SAV1: variants seen among roughly 807,000 people sequenced by gnomAD.
SAV1 encodes the protein salvador family WW domain containing protein 1.
In SAV1, 23 loss-of-function variants were observed where a neutral mutation model predicts 47.3. The ratio of observed to expected loss-of-function variants is 0.49; its 90% CI spans 0.35 to 0.69. SAV1 has a LOEUF of 0.69. Among genes scored for constraint, SAV1 ranks in the 30% least tolerant of loss-of-function variants. SAV1 has a pLI of 0.01. For synonymous variants in SAV1, 155 were observed against 159.2 expected (o/e 0.97, Z 0.20); for missense variants, 448 against 457.4 (o/e 0.98, Z 0.19).
At chr14:50,636,223 G>A (rs892400536) in intron 4 of SAV1, among the ~76,000 whole-genome samples, 3 of 152,152 alleles carry the variant, frequency 2.0e-5, no homozygotes, top group Non-Finnish European at 4.4e-5. Flanking sequence ...AGGAACTTAA[G>A]AATACTTTAG....
chr14:50,643,222 G>T (rs759973008), intron 3 of SAV1, among the ~76,000 whole-genome samples: 1 of 152,116 alleles, frequency 6.6e-6, no homozygotes, highest in East Asian at 1.9e-4. Flanking sequence ...TTAAAATTCT[G>T]TAATAACATA....
At chr14:50,657,652 G>A (rs1472791384) in intron 2 of SAV1, among the ~76,000 whole-genome samples, 1 of 152,194 alleles carries the variant, frequency 6.6e-6, no homozygotes, top group Admixed American at 6.5e-5. Flanking sequence ...CAGTTTTTGA[G>A]TGACAAGAAC....
chr14:50,657,544 T>C (rs2039823387), intron 2 of SAV1, among the ~76,000 whole-genome samples: 1 of 152,184 alleles, frequency 6.6e-6, no homozygotes. Context: ...AAAAGATCAA[T>C]TGTTATTTAT....
chr14:50,651,344 G>A (rs2039768094), intron 2 of SAV1, among the ~76,000 whole-genome samples: 2 of 152,118 alleles, frequency 1.3e-5, no homozygotes, highest in African/African-American at 2.4e-5. Flanking sequence ...AATGAAATAT[G>A]TAACAAAAAT....
intron 2 of SAV1, among the ~76,000 whole-genome samples, chr14:50,646,685 CA>C (rs78772724): frequency 0.022 from 1,665 of 76,260 alleles, 14 homozygotes; most frequent in African/African-American, 0.062. Flanking sequence ...AACTCTGTCT[CA>C]AAAAAAAAAA....
At chr14:50,636,475 G>A (rs2039635427) in intron 4 of SAV1, among the ~76,000 whole-genome samples, 1 of 152,140 alleles carries the variant, frequency 6.6e-6, no homozygotes, top group South Asian at 2.1e-4. Context: ...ATGAGAGAAT[G>A]AGTAGACTAT....
chr14:50,639,327 A>T (rs1016674089), intron 4 of SAV1, among the ~76,000 whole-genome samples: 3 of 149,958 alleles, frequency 2.0e-5, no homozygotes, highest in African/African-American at 7.4e-5. Flanking sequence ...AAACATGCAA[A>T]TTTTTTTTGC....
chr14:50,639,371 T>A (rs924569252), intron 4 of SAV1, among the ~76,000 whole-genome samples: 1 of 9,612 alleles, frequency 1.0e-4, no homozygotes, highest in Non-Finnish European at 1.7e-4. Context: ...TAATTGATTC[T>A]CATTATCTAA....
Position 50,644,753 on chromosome 14 carries a change from C to A in SAV1, c.797G>T (p.Cys266Phe). The change falls in exon 3 of 5, where the codon TGT becomes TTT. Residue 266 changes from cysteine (C) to phenylalanine (F), a missense_variant. By Grantham distance (205) the Cys-to-Phe change is radical. Coordinates refer to ENST00000324679, the MANE Select transcript of SAV1 (RefSeq NM_021818.4). ...TNKKAQYRHP[C>F]APSVPRYDQP... ...AAAGTTGATACTGTACCTAGGAGCA[C>A]AGGGATGCCTGTATTGGGCCTTCTT... 6.2e-7 allele frequency: 1 copy of A among 1,613,682 alleles called. No individual in the cohort carries two copies. The highest frequency in any genetic ancestry group is 1.1e-5 in the South Asian group (1 of 91,044).
chr14:50,661,886 C>T (rs1015935897), intron 2 of SAV1, among the ~76,000 whole-genome samples: 21 of 152,080 alleles, frequency 1.4e-4, no homozygotes, highest in African/African-American at 3.1e-4. Flanking sequence ...AGCCTTATTT[C>T]GAAGACAGGT....
At chr14:50,646,233 A>G (rs569808740) in intron 2 of SAV1, among the ~76,000 whole-genome samples, 1 of 152,322 alleles carries the variant, frequency 6.6e-6, no homozygotes, top group South Asian at 2.1e-4. Flanking sequence ...CAAAAATAAA[A>G]TTGAACAATT....
chr14:50,665,309 A>G lies in SAV1; in HGVS notation c.405T>C (p.Tyr135=), dbSNP rs2039891676. The G allele has an allele frequency of 2.5e-6, 4 of 1,613,706 alleles. 1 individual carries two copies. The South Asian group carries it at 4.4e-5, about 18-fold the overall frequency. Reference sequence around the variant, plus strand: ...TCTGACCATCAAAAAAATTGTCTGAATAATAATATCGGGAACCAGAGTCTC... The same window carrying G: ...TCTGACCATCAAAAAAATTGTCTGAGTAATAATATCGGGAACCAGAGTCTC... ...ENGDSGSRYY[Y]SDNFFDGQRK... The change falls in exon 2 of 5, where the codon TAT becomes TAC. Residue 135 remains tyrosine (Y), a synonymous_variant. Transcript: ENST00000324679.
At chr14:50,651,561 G>C (rs1359806994) in intron 2 of SAV1, among the ~76,000 whole-genome samples, 3 of 152,124 alleles carry the variant, frequency 2.0e-5, no homozygotes, top group African/African-American at 7.2e-5. Flanking sequence ...AAATCTAAGA[G>C]TACATGAAGC....
chr14:50,647,528 C>T (rs2039732455), intron 2 of SAV1, among the ~76,000 whole-genome samples: 1 of 151,884 alleles, frequency 6.6e-6, no homozygotes, highest in African/African-American at 2.4e-5. Context: ...TGAACAGCTA[C>T]GGCACTCCGG....
chr14:50,651,215 G>A (rs889086817), intron 2 of SAV1, among the ~76,000 whole-genome samples: 1 of 152,150 alleles, frequency 6.6e-6, no homozygotes, highest in African/African-American at 2.4e-5. Context: ...ATGCCAATGA[G>A]TTTGGAAGTA....
chr14:50,665,485 G>A lies in SAV1; in HGVS notation c.229C>T (p.Pro77Ser). 1 of 1,613,958 alleles carries A rather than the reference G, an allele frequency of 6.2e-7. No individual in the cohort carries two copies. The highest frequency in any genetic ancestry group is 8.5e-7 in the Non-Finnish European group (1 of 1,179,916). ...VSRNQSFLRT[P>S]IQRTPHEIMR... ...ATTTCATGAGGTGTTCTTTGAATTGGAGTTCTAAGGAAACTCTGGTTTCTT... is the reference window on the plus strand; with the variant it reads ...ATTTCATGAGGTGTTCTTTGAATTGAAGTTCTAAGGAAACTCTGGTTTCTT... The change falls in exon 2 of 5, where the codon CCA (proline) becomes TCA (serine). Residue 77 changes from proline (P) to serine (S), a missense_variant. Pro to Ser is a moderately conservative substitution (Grantham distance 74). Transcript: ENST00000324679.
At chr14:50,636,449 G>T (rs1412745442) in intron 4 of SAV1, among the ~76,000 whole-genome samples, 3 of 152,156 alleles carry the variant, frequency 2.0e-5, no homozygotes, top group Admixed American at 2.0e-4. Flanking sequence ...AAGAAGGAAA[G>T]AATAAACTTT....
chr14:50,661,811 T>C (rs1031557951), intron 2 of SAV1, among the ~76,000 whole-genome samples: 1 of 152,226 alleles, frequency 6.6e-6, no homozygotes, highest in African/African-American at 2.4e-5. Context: ...TCTATACCAA[T>C]ACCATATTAT....
In SAV1 at chr14:50,644,944, A is replaced by T; in HGVS notation, c.606T>A (p.Pro202=). ...TTGTCCAGTCCACAGACCAGCCAGG[A>T]GGAAGGGGTAAATCTTCAGAACCAT... ...TNHGSEDLPL[P]PGWSVDWTMR... The change falls in exon 3 of 5, where the codon CCT becomes CCA. Residue 202 remains proline, a synonymous_variant. Coordinates refer to ENST00000324679, the MANE Select transcript of SAV1 (RefSeq NM_021818.4). 1 of 1,613,996 alleles carries T rather than the reference A, an allele frequency of 6.2e-7. No homozygotes were observed. The highest frequency in any genetic ancestry group is 8.5e-7 in the Non-Finnish European group (1 of 1,179,932).
Sources: allele counts gnomAD v4.1 joint callset (sites outside exome capture counted in the v4.1 genomes callset), GRCh38; gene constraint gnomAD v4.1.1; transcripts MANE v1.5; gene names NCBI Gene and HGNC (gene_info 2026-07-23, HGNC 2026-07-21).